TMIGD3: variants seen among roughly 807,000 people sequenced by gnomAD.
The protein encoded by TMIGD3 is AD026 protein (AD026).
A neutral mutation model predicts 28.1 loss-of-function variants in TMIGD3; 21 were observed. The ratio of observed to expected loss-of-function variants is 0.75; its 90% CI spans 0.53 to 1.08. The LOEUF (loss-of-function observed/expected upper bound fraction) is 1.08, where lower values mean the gene tolerates loss of function less well. TMIGD3 is among the 50% of genes least tolerant of loss of function. TMIGD3 has a pLI of 0.00. For synonymous variants in TMIGD3, 151 were observed against 162.1 expected (o/e 0.93, Z 0.52); for missense variants, 416 against 435.6 (o/e 0.96, Z 0.40).
intron 3 of TMIGD3, among the ~76,000 whole-genome samples, chr1:111,487,592 A>T (rs943201165): frequency 6.6e-6 from 1 of 151,752 alleles, no homozygotes; most frequent in African/African-American, 2.4e-5. Context: ...GCAAAAGGAG[A>T]TTTTCATCAT....
upstream of TMIGD3, chr1:111,503,798 C>G: frequency 2.0e-6 from 2 of 1,005,286 alleles, no homozygotes; most frequent in Non-Finnish European, 2.4e-6. Flanking sequence ...GAACTCTCAG[C>G]AAAAAGATGG....
chr1:111,506,897 A>ATAT (rs1553201726), upstream of TMIGD3, among the ~76,000 whole-genome samples: 2 of 131,470 alleles, frequency 1.5e-5, no homozygotes, highest in African/African-American at 5.9e-5. Context: ...AAAAACAAAA[A>ATAT]ATATATATAT....
intron 2 of TMIGD3, among the ~76,000 whole-genome samples, 153 bp from the exon 3 acceptor site, chr1:111,489,177 C>T (rs1356859453): frequency 6.6e-6 from 1 of 152,210 alleles, no homozygotes; most frequent in African/African-American, 2.4e-5. Context: ...ATGGGCTGAA[C>T]TATGTCCCCT....
intron 3 of TMIGD3, among the ~76,000 whole-genome samples, chr1:111,487,744 C>T (rs1462001086): frequency 6.6e-6 from 1 of 152,200 alleles, no homozygotes. Context: ...ATAAACTGCA[C>T]ATTCCTTAAA....
chr1:111,552,483 G>T (rs577857700), intron 1 of TMIGD3, among the ~76,000 whole-genome samples: 1 of 152,148 alleles, frequency 6.6e-6, no homozygotes, highest in Non-Finnish European at 1.5e-5. Context: ...TGGCAAATTT[G>T]TAGTTGCTTT....
intron 1 of TMIGD3, among the ~76,000 whole-genome samples, chr1:111,492,591 G>A (rs370892425): frequency 5.3e-5 from 8 of 152,204 alleles, no homozygotes; most frequent in Non-Finnish European, 8.8e-5. Flanking sequence ...TGAGGTGGGC[G>A]GATGACGAGG....
At chr1:111,533,119 C>G (rs1045338652) in intron 1 of TMIGD3, among the ~76,000 whole-genome samples, 1 of 152,240 alleles carries the variant, frequency 6.6e-6, no homozygotes, top group Non-Finnish European at 1.5e-5. Context: ...GGCCCTCTGA[C>G]TGTCCCCCAA....
chr1:111,544,576 A>G (rs926061011), intron 1 of TMIGD3, among the ~76,000 whole-genome samples: 5 of 152,156 alleles, frequency 3.3e-5, no homozygotes, highest in South Asian at 2.1e-4. Flanking sequence ...GTTCCATTAT[A>G]TACCACATTT....
At chr1:111,545,236 C>T (rs1486247384) in intron 1 of TMIGD3, among the ~76,000 whole-genome samples, 1 of 152,124 alleles carries the variant, frequency 6.6e-6, no homozygotes, top group Non-Finnish European at 1.5e-5. Flanking sequence ...ATTTCATTCC[C>T]ACCGGCAATG....
rs1654510340 is a variant in TMIGD3 at position 111,488,786 on chromosome 1, C to A, written c.696G>T (p.Trp232Cys). Residue 232 changes from tryptophan (W) to cysteine (C), a missense_variant, in exon 3 of 6, where the codon TGG (tryptophan) becomes TGT (cysteine). Physicochemically the swap from Trp to Cys is radical, Grantham distance 215 (BLOSUM62 -2). Coordinates refer to ENST00000369716, the MANE Select transcript of TMIGD3 (RefSeq NM_020683.7). ...MSCLTKEDTG[W>C]YWCGIQRDFA... Reference sequence around the variant, plus strand: ...AGTCCCGCTGGATGCCACACCAGTACCAGCCCGTGTCCTCTTTGGTCAGGC... The same window carrying A: ...AGTCCCGCTGGATGCCACACCAGTAACAGCCCGTGTCCTCTTTGGTCAGGC... The A allele has an allele frequency of 6.2e-7, 1 of 1,614,208 alleles. No homozygotes were observed. The highest frequency in any genetic ancestry group is 1.6e-4 in the Middle Eastern group (1 of 6,062).
chr1:111,490,202 T>C (rs1654589379), intron 2 of TMIGD3: 1 of 157,182 alleles, frequency 6.4e-6, no homozygotes, highest in African/African-American at 2.4e-5. Context: ...GAAAGTCGTG[T>C]CCTCATATAT....
intron 1 of TMIGD3, among the ~76,000 whole-genome samples, chr1:111,517,491 C>A (rs114081504): frequency 0.011 from 1,628 of 152,226 alleles, 29 homozygotes; most frequent in African/African-American, 0.035. Flanking sequence ...TAAATGTGTC[C>A]TATTCTGAGA....
intron 1 of TMIGD3, chr1:111,500,008 C>G (rs750730029): frequency 1.2e-6 from 2 of 1,614,206 alleles, no homozygotes; most frequent in East Asian, 2.2e-5. Context: ...GCAGACCACA[C>G]AAGCTTTGAG....
At chr1:111,553,226 C>T (rs114090486) in intron 1 of TMIGD3, among the ~76,000 whole-genome samples, 197 of 152,272 alleles carry the variant, frequency 1.3e-3, no homozygotes, top group African/African-American at 4.6e-3. Flanking sequence ...TGTCTTTCTC[C>T]AAGGCAAAGG....
chr1:111,545,695 C>G (rs1455575720), intron 1 of TMIGD3, among the ~76,000 whole-genome samples: 1 of 151,986 alleles, frequency 6.6e-6, no homozygotes, highest in East Asian at 1.9e-4. Flanking sequence ...GAAACCATTA[C>G]CTAATCTAAG....
chr1:111,562,364 G>A (rs996337761), intron 1 of TMIGD3, among the ~76,000 whole-genome samples: 1 of 152,134 alleles, frequency 6.6e-6, no homozygotes, highest in African/African-American at 2.4e-5. Context: ...CCTAGAACCT[G>A]TTGGTAGAGT....
intron 1 of TMIGD3, among the ~76,000 whole-genome samples, chr1:111,552,241 C>T (rs761307252): frequency 5.3e-5 from 8 of 152,144 alleles, no homozygotes; most frequent in African/African-American, 1.9e-4. Context: ...TTCCAAATGA[C>T]GACATTCATT....
At chr1:111,515,612 G>A (rs1655834800) in intron 1 of TMIGD3, among the ~76,000 whole-genome samples, 1 of 152,226 alleles carries the variant, frequency 6.6e-6, no homozygotes, top group Admixed American at 6.5e-5. Flanking sequence ...GGCAGCACGG[G>A]CCGCTCCCCT....
At position 111,483,531 on chromosome 1, in the gene TMIGD3, G is replaced by A. The variant is rs1557812407; in HGVS notation, c.*156C>T. The A allele has an allele frequency of 1.0e-5, 7 of 690,354 alleles. No homozygotes were observed. The highest frequency in any genetic ancestry group is 5.6e-5 in the East Asian group (2 of 35,538). The allele number at this position is 690,354 out of a possible 1,614,324, so 42.8% of individuals were successfully genotyped here. ...GTCTATCATAGCTCCTCTGACTACC[G>A]CCGTTGCTACCTGGCTGCAAATGAT... is the stretch of plus-strand genomic sequence containing the variant. On this transcript the variant is annotated 3_prime_UTR_variant, in exon 6 of 6. Transcript: ENST00000369716.
Sources: allele counts gnomAD v4.1 joint callset (sites outside exome capture counted in the v4.1 genomes callset), GRCh38; gene constraint gnomAD v4.1.1; transcripts MANE v1.5; gene names NCBI Gene and HGNC (gene_info 2026-07-23, HGNC 2026-07-21).